Variants in RIN3 observed in about 807,000 individuals in gnomAD.
The protein encoded by RIN3 is Ras and Rab interactor 3, also known as RAB5 interacting protein 3.
A neutral mutation model predicts 76.3 loss-of-function variants in RIN3; 54 were observed. The ratio of observed to expected loss-of-function variants is 0.71; its 90% CI spans 0.57 to 0.89. The LOEUF (loss-of-function observed/expected upper bound fraction) is 0.89. Among genes scored for constraint, RIN3 ranks in the 40% least tolerant of loss-of-function variants. The pLI is 0.00. For synonymous variants in RIN3, 576 were observed against 564.0 expected, an observed-to-expected ratio of 1.02 and a Z score of -0.30; for missense variants, 1,256 against 1,322.1, an observed-to-expected ratio of 0.95 and a Z score of 0.78.
chr14:92,599,429 C>T (rs940320855), intron 3 of RIN3, among the ~76,000 whole-genome samples: 3 of 152,144 alleles, frequency 2.0e-5, no homozygotes, highest in Admixed American at 2.0e-4. Context: ...GCAGAAATGG[C>T]ATGATGAAGG....
rs574603450 is a variant in RIN3, at chr14:92,652,792, G to C, written c.1743G>C (p.Arg581=). ...PSMILGKARH[R]LSFASFSSMF... ...TGATCCTGGGCAAGGCTCGGCACCG[G>C]CTGAGCTTTGCCAGTTTCAGCAGCA... Residue 581 remains arginine, a synonymous_variant, in exon 6 of 10, where the codon CGG becomes CGC. Transcript: ENST00000216487. This position sits in a 1 kb window ranked among gnomAD's most constrained non-coding sequence, Gnocchi z 6.4. 3 of 1,614,022 alleles carry C rather than the reference G, an allele frequency of 1.9e-6. No homozygotes were observed. In the East Asian group the frequency reaches 6.7e-5, roughly 36 times the overall value.
chr14:92,650,360 G>C lies in RIN3; in HGVS notation c.533-1222G>C, dbSNP rs573578985. Among the ~76,000 whole-genome samples, 3 of 152,360 alleles carry C rather than the reference G, an allele frequency of 2.0e-5. No individual in the cohort carries two copies. The South Asian group carries it at 6.2e-4, about 32-fold the overall frequency. ...TCTTACCCTCATCTGTGAACTGGGG[G>C]CAAGGCCTATGATCAGGGGTCGGCA... On this transcript the variant is annotated intron_variant, in intron 5 of 9. Transcript: ENST00000216487.
chr14:92,538,830 A>ACAAAAGGGTT (rs1342732379), intron 1 of RIN3, among the ~76,000 whole-genome samples: 1 of 152,136 alleles, frequency 6.6e-6, no homozygotes, highest in Non-Finnish European at 1.5e-5. Flanking sequence ...TTCCAAAGGT[A>ACAAAAGGGTT]CAAAAGGGTT....
rs541221468 is a variant in RIN3 at position 92,622,330 on chromosome 14, T to C, written c.440+6851T>C. Among the ~76,000 whole-genome samples, 13 of 152,286 alleles carry C rather than the reference T, an allele frequency of 8.5e-5. No individual in the cohort carries two copies. The South Asian group carries it at 2.7e-3, about 32-fold the overall frequency. The stretch of plus-strand genomic sequence containing the variant: ...AGGTGGGCACTGGCACCACTTTGCA[T>C]GTGTTCCCTCCAGAGCCTGCTATGA... On this transcript the variant is annotated intron_variant, in intron 4 of 9. Transcript: ENST00000216487.
intron 4 of RIN3, among the ~76,000 whole-genome samples, chr14:92,640,353 G>A (rs1285414911): frequency 1.0e-4 from 5 of 49,426 alleles, no homozygotes; most frequent in South Asian, 1.1e-3. Context: ...TGTGTTCATC[G>A]GGGGCTGCCT....
intron 3 of RIN3, among the ~76,000 whole-genome samples, chr14:92,587,013 G>A (rs369899169): frequency 6.6e-6 from 1 of 152,188 alleles, no homozygotes; most frequent in East Asian, 1.9e-4. Context: ...AACTCTGTTG[G>A]GGGAGAGGTA....
chr14:92,676,640 G>A (rs997613309), intron 8 of RIN3, 34 bp downstream of exon 8: 7 of 1,605,338 alleles, frequency 4.4e-6, no homozygotes, highest in Non-Finnish European at 6.0e-6. Flanking sequence ...CAGGTGCATT[G>A]CACACCCCCA....
At chr14:92,582,187 A>G (rs966067870) in intron 3 of RIN3, among the ~76,000 whole-genome samples, 2 of 152,172 alleles carry the variant, frequency 1.3e-5, no homozygotes, top group African/African-American at 4.8e-5. Flanking sequence ...TGAGGGACAA[A>G]TTGGGTCACT....
intron 1 of RIN3, among the ~76,000 whole-genome samples, chr14:92,516,733 C>T (rs1896453570): frequency 6.6e-6 from 1 of 152,098 alleles, no homozygotes; most frequent in African/African-American, 2.4e-5. Flanking sequence ...ATCCCTGAGG[C>T]CCTCCTCATC....
intron 3 of RIN3, among the ~76,000 whole-genome samples, chr14:92,609,958 A>C (rs1273420116): frequency 2.6e-5 from 4 of 151,982 alleles, no homozygotes; most frequent in Middle Eastern, 3.4e-3. Context: ...ATATCTTTCT[A>C]CTAGATAACA....
rs547712435 is a variant in RIN3, at chr14:92,622,898, G to A, written c.440+7419G>A. 1.6e-4 allele frequency among the ~76,000 whole-genome samples: 25 copies of A among 152,316 alleles called. No individual in the cohort carries two copies. The South Asian group carries it at 2.7e-3, about 16-fold the overall frequency. On this transcript the variant is annotated intron_variant, in intron 4 of 9. Transcript: ENST00000216487. ...CTCCTCTTGAATTTATACATGTTCT[G>A]CTTTAAACCTATCTAATATGATTCG...
intron 1 of RIN3, chr14:92,515,019 G>C (rs1323859754): frequency 4.2e-6 from 2 of 473,136 alleles, no homozygotes; most frequent in African/African-American, 2.0e-5. Flanking sequence ...TGAAACAGGA[G>C]AGTTGGGCCC....
At chr14:92,563,942 G>T (rs952171476) in intron 2 of RIN3, among the ~76,000 whole-genome samples, 1 of 152,166 alleles carries the variant, frequency 6.6e-6, no homozygotes, top group Non-Finnish European at 1.5e-5. Flanking sequence ...AGCTCTGTCA[G>T]AGTCAGGACT....
At chr14:92,603,337 C>T (rs1434321437) in intron 3 of RIN3, among the ~76,000 whole-genome samples, 1 of 152,224 alleles carries the variant, frequency 6.6e-6, no homozygotes, top group Admixed American at 6.5e-5. Flanking sequence ...CCCTAACTCA[C>T]CCTTTGCCCT....
chr14:92,638,017 A>G (rs1566879654), intron 4 of RIN3, among the ~76,000 whole-genome samples: 1 of 152,090 alleles, frequency 6.6e-6, no homozygotes, highest in Non-Finnish European at 1.5e-5. Flanking sequence ...AAGCCTCCAA[A>G]ACACCTAGCC....
rs1419895576 is a variant in RIN3 at position 92,661,760 on chromosome 14, A to ACACACACACACACACACACAC, written c.2335+2291_2335+2292insCACACACACACACACACACAC. Among the ~76,000 whole-genome samples, 313 of 128,006 alleles carry ACACACACACACACACACACAC rather than the reference A, an allele frequency of 2.4e-3. 4 individuals carry two copies. Among genetic ancestry groups the ACACACACACACACACACACAC allele is most frequent in the African/African-American group, 9.2e-3 (294 of 31,908 alleles). 84.0% of individuals were successfully genotyped at this position (128,006 alleles called of 152,430 possible). A position where few individuals can be genotyped will look rare whatever the true frequency, so the allele number is the denominator to read the frequency against. The stretch of plus-strand genomic sequence containing the variant: ...ACACACACACACACACACACACACA[A>ACACACACACACACACACACAC]AAAATAGAATTGTGCTCCCCAAAAG... On this transcript the variant is annotated intron_variant, in intron 7 of 9. Coordinates refer to ENST00000216487, the MANE Select transcript of RIN3 (RefSeq NM_024832.5).
chr14:92,655,773 A>C lies in RIN3; in HGVS notation c.2026+2698A>C, dbSNP rs571129841. 3.5e-3 allele frequency among the ~76,000 whole-genome samples: 528 copies of C among 152,292 alleles called. 3 individuals carry two copies. Among genetic ancestry groups the C allele is most frequent in the African/African-American group, 0.012 (499 of 41,568 alleles). Reference sequence around the variant, plus strand: ...GGACTGGCTGGAGGCCAGATGCAGGAGTGGTAGAGGGGAGGTAGGATGTGG... The same window carrying C: ...GGACTGGCTGGAGGCCAGATGCAGGCGTGGTAGAGGGGAGGTAGGATGTGG... On this transcript the variant is annotated intron_variant, in intron 6 of 9. Transcript: ENST00000216487.
At chr14:92,647,669 A>G (rs1307683646) in intron 5 of RIN3, among the ~76,000 whole-genome samples, 1 of 151,998 alleles carries the variant, frequency 6.6e-6, no homozygotes, top group Non-Finnish European at 1.5e-5. Flanking sequence ...GCCTTGTTGG[A>G]TTTTTTAGTG....
At chr14:92,573,077 TCA>T (rs1393425901) in intron 2 of RIN3, among the ~76,000 whole-genome samples, 2 of 151,972 alleles carry the variant, frequency 1.3e-5, no homozygotes, top group African/African-American at 2.4e-5. Context: ...AAATGGGGTT[TCA>T]CCATGTTGGT....
Sources: allele counts gnomAD v4.1 joint callset (sites outside exome capture counted in the v4.1 genomes callset), GRCh38; gene constraint gnomAD v4.1.1; non-coding constraint Gnocchi (gnomAD v3.1); transcripts MANE v1.5; gene names NCBI Gene and HGNC (gene_info 2026-07-23, HGNC 2026-07-21).